Variants in RALGPS2 observed in about 807,000 individuals in gnomAD.
RALGPS2 encodes the protein ras-specific guanine nucleotide-releasing factor RalGPS2.
A neutral mutation model predicts 86.8 loss-of-function variants in RALGPS2; 43 were observed. That is an observed-to-expected ratio of 0.50 (90% CI 0.39 to 0.64). The LOEUF is 0.64. Among genes scored for constraint, RALGPS2 ranks in the 30% least tolerant of loss-of-function variants. The pLI is 0.00. For synonymous variants in RALGPS2, 243 were observed against 231.3 expected (o/e 1.05, Z -0.46); for missense variants, 536 against 694.6 (o/e 0.77, Z 2.57).
At chr1:178,782,026 A>G (rs999336675) in intron 2 of RALGPS2, among the ~76,000 whole-genome samples, 1 of 152,140 alleles carries the variant, frequency 6.6e-6, no homozygotes, top group African/African-American at 2.4e-5. Flanking sequence ...TCACAATAGG[A>G]AAAAAGCTAA....
At chr1:178,762,084 CTATT>C (rs1173361915) in intron 1 of RALGPS2, among the ~76,000 whole-genome samples, 1 of 152,102 alleles carries the variant, frequency 6.6e-6, no homozygotes, top group African/African-American at 2.4e-5. Flanking sequence ...TGTTTAACTC[CTATT>C]TATTAGTGAA....
intron 15 of RALGPS2, chr1:178,893,715 G>A (rs756179186): frequency 8.2e-5 from 34 of 416,892 alleles, no homozygotes; most frequent in Non-Finnish European, 1.3e-4. Context: ...TTAACCATCT[G>A]CTGACTTTAA....
chr1:178,750,986 T>A (rs2102043633), intron 1 of RALGPS2, among the ~76,000 whole-genome samples: 2 of 152,312 alleles, frequency 1.3e-5, no homozygotes, highest in South Asian at 4.1e-4. Context: ...TTGGACAATG[T>A]ATGGCCCTAA....
chr1:178,764,374 G>A (rs1285746254), intron 1 of RALGPS2, among the ~76,000 whole-genome samples: 4 of 152,068 alleles, frequency 2.6e-5, no homozygotes, highest in African/African-American at 7.2e-5. Context: ...TTTGAGATGG[G>A]TCTCTTGAAG....
chr1:178,830,308 A>G (rs191440143), intron 7 of RALGPS2, among the ~76,000 whole-genome samples: 3 of 152,288 alleles, frequency 2.0e-5, no homozygotes, highest in Non-Finnish European at 4.4e-5. Flanking sequence ...TTGGGGAGAT[A>G]AGCACTTGGC....
chr1:178,876,559 A>G (rs1659012391), intron 8 of RALGPS2, among the ~76,000 whole-genome samples: 1 of 152,214 alleles, frequency 6.6e-6, no homozygotes, highest in Admixed American at 6.5e-5. Context: ...TCCAGAAAAC[A>G]TTTTAGGTAT....
At chr1:178,777,470 A>T (rs1378456112) in intron 2 of RALGPS2, among the ~76,000 whole-genome samples, 2 of 151,802 alleles carry the variant, frequency 1.3e-5, no homozygotes, top group Non-Finnish European at 2.9e-5. Context: ...ATACTGCCCA[A>T]GGTAATTTAC....
chr1:178,775,213 C>G (rs1453042672), intron 1 of RALGPS2, among the ~76,000 whole-genome samples: 2 of 151,944 alleles, frequency 1.3e-5, no homozygotes, highest in South Asian at 2.1e-4. Flanking sequence ...ACTTATTATC[C>G]CTATTTTATA....
chr1:178,915,515 G>C (rs1660778136), intron 19 of RALGPS2, among the ~76,000 whole-genome samples: 1 of 152,228 alleles, frequency 6.6e-6, no homozygotes, highest in South Asian at 2.1e-4. Flanking sequence ...GATTATAGGC[G>C]TGAGCCACCG....
chr1:178,797,985 T>TAAAAAAAAAAAAAA, intron 4 of RALGPS2, among the ~76,000 whole-genome samples: 1 of 95,420 alleles, frequency 1.0e-5, no homozygotes, highest in Non-Finnish European at 2.1e-5. Flanking sequence ...CAACAATTTG[T>TAAAAAAAAAAAAAA]AAAAAAAAAA....
intron 19 of RALGPS2, among the ~76,000 whole-genome samples, chr1:178,909,403 T>TTTGTTG (rs369628282): frequency 5.9e-5 from 9 of 151,700 alleles, no homozygotes; most frequent in South Asian, 2.1e-4. Context: ...TATTTGGGCT[T>TTTGTTG]TTGTTGTTGT....
chr1:178,777,132 T>C (rs1653137497), intron 2 of RALGPS2, among the ~76,000 whole-genome samples: 1 of 122,642 alleles, frequency 8.2e-6, no homozygotes, highest in Non-Finnish European at 1.6e-5. Context: ...CCCCAGAGTG[T>C]GGTATTCCCC....
chr1:178,903,616 C>T (rs776747542), intron 18 of RALGPS2, among the ~76,000 whole-genome samples: 1 of 152,182 alleles, frequency 6.6e-6, no homozygotes, highest in Non-Finnish European at 1.5e-5. Context: ...GTTTTCCATT[C>T]CTCAGTTACT....
Position 178,775,249 on chromosome 1 carries a change from T to G in RALGPS2, c.-83-1433T>G, listed in dbSNP as rs965036644. On this transcript the variant is annotated intron_variant, in intron 1 of 19. Coordinates refer to ENST00000367635, the MANE Select transcript of RALGPS2 (RefSeq NM_152663.5). ...GATGAGAAAACTGAGTACAGAAAAG[T>G]TAAAATTTCCTGGGTTTACACAGAG... 3.9e-5 allele frequency among the ~76,000 whole-genome samples: 6 copies of G among 152,276 alleles called. No individual in the cohort carries two copies. In the East Asian group the frequency reaches 1.2e-3, roughly 29 times the overall value.
intron 1 of RALGPS2, among the ~76,000 whole-genome samples, chr1:178,752,316 A>AT (rs1651722179): frequency 3.9e-5 from 5 of 127,246 alleles, no homozygotes; most frequent in Non-Finnish European, 8.5e-5. Flanking sequence ...GCTAATTTTT[A>AT]ATTTTTTTTT....
intron 1 of RALGPS2, among the ~76,000 whole-genome samples, chr1:178,771,119 G>A (rs1048809168): frequency 3.3e-5 from 5 of 152,126 alleles, no homozygotes; most frequent in Admixed American, 1.3e-4. Flanking sequence ...GATTACAGGC[G>A]TGAGCCACCG....
chr1:178,746,218 T>C (rs1338103099), intron 1 of RALGPS2, among the ~76,000 whole-genome samples: 14 of 152,174 alleles, frequency 9.2e-5, no homozygotes, highest in Non-Finnish European at 1.6e-4. Context: ...ATATAGAATA[T>C]ATACTAATGA....
chr1:178,833,188 A>C (rs1558139835), intron 7 of RALGPS2, among the ~76,000 whole-genome samples: 1 of 152,066 alleles, frequency 6.6e-6, no homozygotes, highest in Non-Finnish European at 1.5e-5. Context: ...AAAATGTTAT[A>C]ATTTATTACT....
At chr1:178,901,978 A>T in intron 17 of RALGPS2, 128 bp from the exon 18 acceptor site, 1 of 659,868 alleles carries the variant, frequency 1.5e-6, no homozygotes. Flanking sequence ...AGGCTGGCTG[A>T]GACCAGCATG....
Sources: allele counts gnomAD v4.1 joint callset (sites outside exome capture counted in the v4.1 genomes callset), GRCh38; gene constraint gnomAD v4.1.1; transcripts MANE v1.5; gene names NCBI Gene and HGNC (gene_info 2026-07-23, HGNC 2026-07-21).